The following ZNF407 variants were observed in gnomAD, a reference collection of about 807,000 sequenced individuals.
ZNF407 encodes the protein zinc finger protein 407.
ZNF407 carries 17 observed loss-of-function variants against 131.2 expected under a neutral mutation model. The ratio of observed to expected loss-of-function variants is 0.13; its 90% confidence interval spans 0.09 to 0.19. The LOEUF is 0.19. Among genes scored for constraint, ZNF407 ranks in the 10% least tolerant of loss-of-function variants. ZNF407 has a pLI of 1.00. For missense variants in ZNF407, 2,681 were observed against 2,830.6 expected (o/e 0.95, Z 1.20); for synonymous variants, 1,156 against 1,062.0 (o/e 1.09, Z -1.72).
chr18:74,638,096 C>T (rs191763987), intron 2 of ZNF407, among the ~76,000 whole-genome samples: 55 of 152,280 alleles, frequency 3.6e-4, no homozygotes, highest in African/African-American at 1.1e-3. Context: ...TGAAGCCATT[C>T]GTTTTATGTT....
chr18:74,990,349 T>G (rs1352591319), intron 8 of ZNF407, among the ~76,000 whole-genome samples: 2 of 152,346 alleles, frequency 1.3e-5, no homozygotes, highest in South Asian at 2.1e-4. Context: ...CAAAGGAATC[T>G]AAAATGCTAC....
chr18:74,642,540 T>A (rs999987052), intron 3 of ZNF407, among the ~76,000 whole-genome samples: 10 of 152,260 alleles, frequency 6.6e-5, no homozygotes, highest in African/African-American at 2.4e-4. Context: ...ATTTATTTTT[T>A]AATTAGGGTT....
chr18:74,818,359 T>C (rs375794954), intron 4 of ZNF407, among the ~76,000 whole-genome samples: 147 of 152,340 alleles, frequency 9.6e-4, no homozygotes, highest in African/African-American at 3.3e-3. Context: ...GACATGTGGA[T>C]AATTAGGTTT....
In ZNF407 at chr18:75,063,213, A is replaced by G. The variant is rs1453848142; in HGVS notation, c.5492A>G (p.Asp1831Gly). Residue 1831 changes from aspartate to glycine, a missense_variant, in exon 9 of 9, where the codon GAC (aspartate) becomes GGC (glycine). Physicochemically the swap from Asp to Gly is moderately conservative, Grantham distance 94 (BLOSUM62 -1). Coordinates refer to ENST00000299687, the MANE Select transcript of ZNF407 (RefSeq NM_017757.3). This position sits in a 1 kb window ranked among gnomAD's most constrained non-coding sequence, Gnocchi z 6.6. The stretch of plus-strand genomic sequence containing the variant: ...CAAGGAGCCACCTTCGTGGAGACAG[A>G]CAGCCCCTTCACCGCGGCGGCCTTG... ...KGQGATFVET[D>G]SPFTAAALAE... 6.2e-7 allele frequency: 1 copy of G among 1,612,444 alleles called. No individual in the cohort carries two copies. The highest frequency in any genetic ancestry group is 1.3e-5 in the African/African-American group (1 of 74,872).
chr18:74,734,751 G>A (rs1968375356), intron 3 of ZNF407, among the ~76,000 whole-genome samples: 3 of 151,798 alleles, frequency 2.0e-5, no homozygotes, highest in Admixed American at 6.6e-5. Context: ...GTGACTTCGG[G>A]TGTTCTAGGT....
intron 8 of ZNF407, among the ~76,000 whole-genome samples, chr18:74,940,200 A>G (rs1357513288): frequency 6.6e-6 from 1 of 152,220 alleles, no homozygotes; most frequent in African/African-American, 2.4e-5. Context: ...AGCTTGTTGT[A>G]GCCAGAGAGG....
chr18:74,890,232 A>C (rs960235311), intron 7 of ZNF407, among the ~76,000 whole-genome samples, 194 bp downstream of exon 7: 1 of 152,222 alleles, frequency 6.6e-6, no homozygotes, highest in African/African-American at 2.4e-5. Flanking sequence ...AATAAAATTG[A>C]GAGGATGGTA....
At chr18:74,878,001 G>A (rs1490773348) in intron 5 of ZNF407, among the ~76,000 whole-genome samples, 4 of 152,166 alleles carry the variant, frequency 2.6e-5, no homozygotes, top group Non-Finnish European at 5.9e-5. Flanking sequence ...GTAACAGAGG[G>A]TGTGGAATTT....
intron 4 of ZNF407, among the ~76,000 whole-genome samples, chr18:74,782,234 A>G (rs1484308170): frequency 6.6e-6 from 1 of 152,228 alleles, no homozygotes; most frequent in African/African-American, 2.4e-5. Context: ...GGTAGGATCC[A>G]AAATTCTACA....
intron 3 of ZNF407, among the ~76,000 whole-genome samples, chr18:74,754,052 A>T (rs1318782040): frequency 6.6e-6 from 1 of 152,256 alleles, no homozygotes; most frequent in East Asian, 1.9e-4. Context: ...CAGGGATTCA[A>T]CTTCTTCCTG....
chr18:74,659,263 A>G (rs1985610863), intron 3 of ZNF407, among the ~76,000 whole-genome samples: 1 of 152,134 alleles, frequency 6.6e-6, no homozygotes, highest in African/African-American at 2.4e-5. Context: ...AATCCATTTC[A>G]TTTTAATTAA....
At chr18:74,648,842 A>C (rs1985093601) in intron 3 of ZNF407, among the ~76,000 whole-genome samples, 1 of 152,216 alleles carries the variant, frequency 6.6e-6, no homozygotes, top group South Asian at 2.1e-4. Context: ...TGGGACAGGA[A>C]ACCATTAATT....
intron 8 of ZNF407, among the ~76,000 whole-genome samples, chr18:74,960,248 G>T (rs1003558955): frequency 1.3e-5 from 2 of 151,914 alleles, no homozygotes; most frequent in African/African-American, 4.8e-5. Context: ...ATAGGAGAAG[G>T]TCCTGAGTGA....
At chr18:74,722,155 C>T (rs762607271) in intron 3 of ZNF407, among the ~76,000 whole-genome samples, 1 of 151,396 alleles carries the variant, frequency 6.6e-6, no homozygotes, top group African/African-American at 2.4e-5. Context: ...CTGTAGATTA[C>T]TGTGTTTCAT....
In ZNF407 at chr18:75,064,021, C is replaced by T. The variant is rs527541602; in HGVS notation, c.6300C>T (p.Asp2100=). Residue 2100 remains aspartate, a synonymous_variant, in exon 9 of 9, where the codon GAC becomes GAT. Transcript: ENST00000299687. The part of the protein sequence containing the change: ...DTAAAGQLVK[D]GVTQVVVSEE... Reference sequence around the variant, plus strand: ...CCGCGGCCGGCCAGTTGGTCAAGGACGGTGTCACCCAGGTGGTGGTGAGCG... The same window carrying T: ...CCGCGGCCGGCCAGTTGGTCAAGGATGGTGTCACCCAGGTGGTGGTGAGCG... 5.2e-5 allele frequency: 83 copies of T among 1,605,872 alleles called. No homozygotes were observed. Among genetic ancestry groups the T allele is most frequent in the East Asian group, 2.5e-4 (11 of 44,370 alleles).
intron 3 of ZNF407, among the ~76,000 whole-genome samples, chr18:74,701,593 C>G (rs907676684): frequency 2.6e-5 from 4 of 152,148 alleles, no homozygotes; most frequent in Non-Finnish European, 4.4e-5. Context: ...CTCACTTCCC[C>G]CAACTACCAT....
intron 1 of ZNF407, among the ~76,000 whole-genome samples, chr18:74,610,549 CT>C (rs537887304): frequency 6.4e-4 from 97 of 151,966 alleles, no homozygotes; most frequent in Middle Eastern, 3.4e-3. Flanking sequence ...TATTTTGGGA[CT>C]TTTTTTTGTT....
At chr18:74,641,275 G>A (rs938099750) in intron 3 of ZNF407, among the ~76,000 whole-genome samples, 153 bp downstream of exon 3, 20 of 152,216 alleles carry the variant, frequency 1.3e-4, no homozygotes, top group African/African-American at 4.3e-4. Context: ...CTTAAATACA[G>A]TTATGACATT....
chr18:74,781,332 T>C (rs1568212835), intron 3 of ZNF407, 96 bp from the exon 4 acceptor site: 2 of 862,136 alleles, frequency 2.3e-6, no homozygotes, highest in South Asian at 1.7e-5. Flanking sequence ...TTTTATGTTA[T>C]GTTTGCATAT....
Sources: gnomAD v4.1 joint callset for allele counts (sites outside exome capture counted in the v4.1 genomes callset) on GRCh38, gnomAD v4.1.1 for gene constraint, Gnocchi (gnomAD v3.1) non-coding constraint, MANE v1.5 for transcripts, NCBI Gene and HGNC (gene_info 2026-07-23, HGNC 2026-07-21) for gene names.